PLSCR5: variants seen among roughly 807,000 people sequenced by gnomAD.
PLSCR5 encodes the protein phospholipid scramblase family member 5.
PLSCR5 carries 44 observed loss-of-function variants against 33.6 expected under a neutral mutation model. The ratio of observed to expected loss-of-function variants is 1.31; its 90% confidence interval spans 1.03 to 1.69. The LOEUF (loss-of-function observed/expected upper bound fraction) is 1.69, where lower values mean the gene tolerates loss of function less well. Ranked by LOEUF, PLSCR5 falls within the 40% of genes most tolerant of loss-of-function variation. PLSCR5 has a pLI of 0.00. For synonymous variants in PLSCR5, 148 were observed against 112.3 expected, an observed-to-expected ratio of 1.32 and a Z score of -2.01; for missense variants, 375 against 318.7, an observed-to-expected ratio of 1.18 and a Z score of -1.34.
chr3:146,592,394 C>T (rs982771932), intron 4 of PLSCR5, among the ~76,000 whole-genome samples: 20 of 152,188 alleles, frequency 1.3e-4, no homozygotes, highest in African/African-American at 4.8e-4. Flanking sequence ...AGTCATTAAA[C>T]ACCAGTTTGA....
At chr3:146,603,694 G>A (rs1301304669) in intron 1 of PLSCR5, among the ~76,000 whole-genome samples, 1 of 152,110 alleles carries the variant, frequency 6.6e-6, no homozygotes, top group Non-Finnish European at 1.5e-5. Context: ...TGTATAACTA[G>A]CTTATAAATA....
At chr3:146,599,971 C>T (rs911189426) in intron 2 of PLSCR5, among the ~76,000 whole-genome samples, 7 of 152,128 alleles carry the variant, frequency 4.6e-5, no homozygotes, top group Middle Eastern at 3.4e-3. Flanking sequence ...GCATATTAGA[C>T]AATTTCTTGA....
At chr3:146,578,712 T>C (rs1482737773) in intron 7 of PLSCR5, among the ~76,000 whole-genome samples, 9 of 152,192 alleles carry the variant, frequency 5.9e-5, no homozygotes, top group Admixed American at 2.0e-4. Flanking sequence ...TCATTAATGC[T>C]AGGCTTTATA....
Position 146,591,764 on chromosome 3 carries a change from C to A in PLSCR5, c.571G>T (p.Gly191Cys), listed in dbSNP as rs761206917. ...ANKEDILKIVGPCVTCGCFGD... is the reference protein window; with the variant it reads ...ANKEDILKIVCPCVTCGCFGD... Reference sequence around the variant, plus strand: ...AAACAGCCACATGTCACACAAGGACCAACAATTTTCAAAATATCTTCTTTG... The same window carrying A: ...AAACAGCCACATGTCACACAAGGACAAACAATTTTCAAAATATCTTCTTTG... The change falls in exon 5 of 8, where the codon GGT (glycine) becomes TGT (cysteine). Residue 191 changes from glycine (G) to cysteine (C), a missense_variant. Gly to Cys is a radical substitution (Grantham distance 159). Coordinates refer to ENST00000443512, the MANE Select transcript of PLSCR5 (RefSeq NM_001085420.2). 8 of 1,611,804 alleles carry A rather than the reference C, an allele frequency of 5.0e-6. No individual in the cohort carries two copies. The Admixed American group carries it at 5.0e-5, about 10-fold the overall frequency.
intron 6 of PLSCR5, among the ~76,000 whole-genome samples, chr3:146,588,252 C>A (rs554116216): frequency 6.6e-6 from 1 of 151,980 alleles, no homozygotes; most frequent in South Asian, 2.1e-4. Context: ...GGGTGGATCA[C>A]GAGGTCAGAA....
chr3:146,593,013 T>G (rs1239055745), intron 4 of PLSCR5, among the ~76,000 whole-genome samples: 1 of 152,138 alleles, frequency 6.6e-6, no homozygotes, highest in Non-Finnish European at 1.5e-5. Context: ...AGAATTAGCT[T>G]TGATATATGT....
At chr3:146,595,213 A>T in intron 2 of PLSCR5, 130 bp from the exon 3 acceptor site, 1 of 437,112 alleles carries the variant, frequency 2.3e-6, no homozygotes, top group South Asian at 1.1e-4. Context: ...TTAGGAAAAC[A>T]GTTGAAAATA....
intron 5 of PLSCR5, among the ~76,000 whole-genome samples, chr3:146,591,001 T>TG (rs1383769426): frequency 1.3e-5 from 2 of 149,604 alleles, no homozygotes; most frequent in African/African-American, 4.9e-5. Flanking sequence ...TTTTTTGTTT[T>TG]TTTTTTTTGT....
chr3:146,577,824 G>T (rs1174813088), intron 7 of PLSCR5, among the ~76,000 whole-genome samples: 5 of 152,088 alleles, frequency 3.3e-5, no homozygotes, highest in African/African-American at 7.2e-5. Flanking sequence ...GTATTTTCAA[G>T]ATTCTGCTGG....
chr3:146,591,809 AT>A lies in PLSCR5; in HGVS notation c.525del (p.Lys175AsnfsTer13). 2 of 1,612,426 alleles carry A rather than the reference AT, an allele frequency of 1.2e-6. No homozygotes were observed. The highest frequency in any genetic ancestry group is 2.2e-5 in the South Asian group (2 of 90,838). On this transcript the variant is annotated frameshift_variant, in exon 5 of 8. Transcript: ENST00000443512. LOFTEE classifies it high-confidence loss of function. Reference protein sequence around the residue: ...VTQKWDPFLPKFTIQNANKED... With the variant: ...VTQKWDPFLPXFTIQNANKED... ...TCTTTGTTTGCATTTTGGATTGTGA[AT>A]TTAGGCAGAAAGGGGTCCCACTTCT...
At chr3:146,598,425 C>T (rs987486420) in intron 2 of PLSCR5, among the ~76,000 whole-genome samples, 2 of 152,120 alleles carry the variant, frequency 1.3e-5, no homozygotes, top group East Asian at 1.9e-4. Flanking sequence ...GAGGAAATTA[C>T]CTTTCCCTTT....
At chr3:146,601,860 C>T (rs1345894715) in intron 1 of PLSCR5, among the ~76,000 whole-genome samples, 1 of 151,732 alleles carries the variant, frequency 6.6e-6, no homozygotes, top group African/African-American at 2.4e-5. Context: ...AATTTCTCAT[C>T]ATTAAGAAAA....
chr3:146,590,625 T>C (rs2044705724), intron 5 of PLSCR5, among the ~76,000 whole-genome samples: 2 of 152,226 alleles, frequency 1.3e-5, no homozygotes, highest in South Asian at 2.1e-4. Context: ...GAGGGTTACT[T>C]AGGACATTTC....
intron 2 of PLSCR5, among the ~76,000 whole-genome samples, 175 bp downstream of exon 2, chr3:146,600,113 A>G (rs2044798781): frequency 6.6e-6 from 1 of 152,218 alleles, no homozygotes; most frequent in Non-Finnish European, 1.5e-5. Context: ...ATACACTTTT[A>G]AAAATAGTAG....
intron 2 of PLSCR5, among the ~76,000 whole-genome samples, chr3:146,597,730 G>A (rs6797790): frequency 0.29 from 43,337 of 151,910 alleles, 6,345 homozygotes; most frequent in African/African-American, 0.36. Context: ...TGAATTATAC[G>A]TTTAGGTGTC....
At chr3:146,590,988 T>G (rs2044708352) in intron 5 of PLSCR5, among the ~76,000 whole-genome samples, 1 of 66,166 alleles carries the variant, frequency 1.5e-5, no homozygotes, top group Non-Finnish European at 3.5e-5. Context: ...GAGAATAAGG[T>G]TTTTTTTTGT....
intron 2 of PLSCR5, among the ~76,000 whole-genome samples, chr3:146,599,605 G>A (rs1325779486): frequency 6.6e-6 from 1 of 150,810 alleles, no homozygotes; most frequent in African/African-American, 2.4e-5. Context: ...CTCTAGTATA[G>A]CAAGCACTCG....
downstream of PLSCR5, among the ~76,000 whole-genome samples, chr3:146,582,424 G>A (rs182185387): frequency 1.8e-4 from 27 of 152,276 alleles, no homozygotes; most frequent in South Asian, 6.2e-4. Context: ...ACAGAGTGGA[G>A]CTACCAGAAA....
At chr3:146,585,037 A>T (rs2107847558), downstream of PLSCR5, among the ~76,000 whole-genome samples, 1 of 152,260 alleles carries the variant, frequency 6.6e-6, no homozygotes, top group Non-Finnish European at 1.5e-5. Context: ...GAAGAAGGAG[A>T]GAATAATTAT....
Sources: allele counts gnomAD v4.1 joint callset (sites outside exome capture counted in the v4.1 genomes callset), GRCh38; gene constraint gnomAD v4.1.1; transcripts MANE v1.5; gene names NCBI Gene and HGNC (gene_info 2026-07-23, HGNC 2026-07-21).